Variants in MAGI2 observed in about 807,000 individuals in gnomAD.
MAGI2 encodes the protein membrane-associated guanylate kinase, WW and PDZ domain-containing protein 2.
A neutral mutation model predicts 133.3 loss-of-function variants in MAGI2; 35 were observed. The observed-to-expected ratio is 0.26, with a 90% CI of 0.20 to 0.35. The LOEUF is 0.35. Ranked by LOEUF, MAGI2 falls within the 10% of genes least tolerant of loss-of-function variation. MAGI2 has a pLI of 1.00. For synonymous variants in MAGI2, 729 were observed against 710.6 expected (o/e 1.03, Z -0.41); for missense variants, 1,636 against 1,863.4 (o/e 0.88, Z 2.25).
chr7:78,538,992 T>C (rs1798191538), intron 3 of MAGI2, among the ~76,000 whole-genome samples: 1 of 152,218 alleles, frequency 6.6e-6, no homozygotes, highest in Admixed American at 6.5e-5. Context: ...CAGTGGAACA[T>C]GACAAGAATG....
intron 2 of MAGI2, among the ~76,000 whole-genome samples, chr7:78,867,441 C>CA (rs1358385728): frequency 6.7e-6 from 1 of 150,032 alleles, no homozygotes; most frequent in Non-Finnish European, 1.5e-5. Flanking sequence ...ATTGCAAGAA[C>CA]AAAAAAACCA....
intron 11 of MAGI2, among the ~76,000 whole-genome samples, chr7:78,197,238 G>A (rs924030374): frequency 6.6e-6 from 1 of 152,142 alleles, no homozygotes; most frequent in Admixed American, 6.5e-5. Context: ...GCATATCCTC[G>A]GTAATTTTTC....
At chr7:78,777,792 T>C (rs1354096362) in intron 2 of MAGI2, among the ~76,000 whole-genome samples, 1 of 152,172 alleles carries the variant, frequency 6.6e-6, no homozygotes, top group Non-Finnish European at 1.5e-5. Flanking sequence ...TTCCAGTACA[T>C]AAAGTAAAAT....
At chr7:78,235,107 C>T (rs1346684199) in intron 10 of MAGI2, among the ~76,000 whole-genome samples, 2 of 152,062 alleles carry the variant, frequency 1.3e-5, no homozygotes. Flanking sequence ...TCCCTCCCTC[C>T]ACTTAAAAAT....
chr7:78,638,717 T>A (rs2150983112), intron 2 of MAGI2, among the ~76,000 whole-genome samples: 1 of 152,342 alleles, frequency 6.6e-6, no homozygotes, highest in South Asian at 2.1e-4. Context: ...TTGACTTGAC[T>A]ATTAATTTCC....
rs564081975 is a variant in MAGI2 at position 78,396,602 on chromosome 7, A to G, written c.1046-27389T>C. Among the ~76,000 whole-genome samples, 9 of 152,160 alleles carry G rather than the reference A, an allele frequency of 5.9e-5. No homozygotes were observed. In the South Asian group the frequency reaches 1.9e-3, roughly 32 times the overall value. ...TTTTTCCAACACCTTGCTTTATTTT[A>G]TTAGCATTTTCTACCATATAACATT... On this transcript the variant is annotated intron_variant, in intron 6 of 21. Coordinates refer to ENST00000354212, the MANE Select transcript of MAGI2 (RefSeq NM_012301.4).
In MAGI2 at chr7:78,270,663, C is replaced by T. The variant is rs186216727; in HGVS notation, c.1409-14082G>A. ...CCTATCAGCTTAAGGAGATTTGGGG[C>T]TGAGACGATGGGGTTTTCTAAATAA... On this transcript the variant is annotated intron_variant, in intron 9 of 21. Transcript: ENST00000354212. 3.4e-3 allele frequency among the ~76,000 whole-genome samples: 520 copies of T among 152,116 alleles called. 2 individuals carry two copies. The highest frequency in any genetic ancestry group is 6.2e-3 in the Non-Finnish European group (419 of 68,000).
intron 18 of MAGI2, among the ~76,000 whole-genome samples, chr7:78,129,467 T>G (rs1821323661): frequency 6.6e-6 from 1 of 152,216 alleles, no homozygotes; most frequent in Admixed American, 6.5e-5. Context: ...TCTAAAGTTC[T>G]TTTACTTCTG....
chr7:78,658,373 T>C (rs1408582975), intron 2 of MAGI2, among the ~76,000 whole-genome samples: 1 of 152,112 alleles, frequency 6.6e-6, no homozygotes, highest in Non-Finnish European at 1.5e-5. Context: ...AATGTAAAAC[T>C]ATAAACCTCT....
intron 1 of MAGI2, among the ~76,000 whole-genome samples, chr7:79,082,569 A>T (rs1274605879): frequency 3.9e-5 from 6 of 152,180 alleles, no homozygotes; most frequent in Non-Finnish European, 8.8e-5. Flanking sequence ...AATTCTGTTT[A>T]ACTGTTCTAT....
intron 1 of MAGI2, among the ~76,000 whole-genome samples, chr7:79,101,427 A>C (rs1584930988): frequency 1.3e-5 from 2 of 152,260 alleles, no homozygotes; most frequent in African/African-American, 4.8e-5. Context: ...TGATGGTTTT[A>C]GAAAAAGGAA....
chr7:78,809,215 C>G (rs1365193827), intron 2 of MAGI2, among the ~76,000 whole-genome samples: 1 of 152,174 alleles, frequency 6.6e-6, no homozygotes, highest in Non-Finnish European at 1.5e-5. Flanking sequence ...ACAGTTCATA[C>G]AAACTATACA....
chr7:79,334,267 T>C (rs1253295949), intron 1 of MAGI2, among the ~76,000 whole-genome samples: 1 of 152,188 alleles, frequency 6.6e-6, no homozygotes, highest in Non-Finnish European at 1.5e-5. Flanking sequence ...TATAATGCAT[T>C]TCCAAGTGTC....
At chr7:78,774,407 C>T (rs1825821921) in intron 2 of MAGI2, among the ~76,000 whole-genome samples, 1 of 152,116 alleles carries the variant, frequency 6.6e-6, no homozygotes, top group Non-Finnish European at 1.5e-5. Flanking sequence ...TGTACGAAGC[C>T]TCACAGGAAC....
chr7:78,638,249 C>T (rs1033538769), intron 2 of MAGI2, among the ~76,000 whole-genome samples: 1 of 152,026 alleles, frequency 6.6e-6, no homozygotes, highest in Non-Finnish European at 1.5e-5. Context: ...ATTTAATTAC[C>T]AACAGTACCA....
intron 3 of MAGI2, among the ~76,000 whole-genome samples, chr7:78,608,559 T>C (rs1280642687): frequency 1.3e-5 from 2 of 152,062 alleles, no homozygotes; most frequent in Non-Finnish European, 2.9e-5. Context: ...TAGTAAACTC[T>C]ATCTAAAGTT....
intron 2 of MAGI2, among the ~76,000 whole-genome samples, chr7:78,694,813 C>G (rs1817332601): frequency 6.6e-6 from 1 of 152,126 alleles, no homozygotes; most frequent in African/African-American, 2.4e-5. Flanking sequence ...TAAGTCAGGA[C>G]TTTATATAAC....
At chr7:78,259,015 T>G (rs1793270764) in intron 9 of MAGI2, among the ~76,000 whole-genome samples, 1 of 152,204 alleles carries the variant, frequency 6.6e-6, no homozygotes, top group Non-Finnish European at 1.5e-5. Context: ...AAATTTTCAT[T>G]GCTTTACATC....
chr7:79,138,909 G>A (rs1336046022), intron 1 of MAGI2, among the ~76,000 whole-genome samples: 1 of 150,682 alleles, frequency 6.6e-6, no homozygotes, highest in African/African-American at 2.5e-5. Flanking sequence ...CCGGGAGGCG[G>A]AGCTTGCAGT....
Sources: allele counts gnomAD v4.1 joint callset (sites outside exome capture counted in the v4.1 genomes callset), GRCh38; gene constraint gnomAD v4.1.1; transcripts MANE v1.5; gene names NCBI Gene and HGNC (gene_info 2026-07-23, HGNC 2026-07-21).